The following MTMR11 variants were observed in gnomAD, a reference collection of about 807,000 sequenced individuals.
MTMR11 encodes the protein myotubularin related protein 11.
Under a neutral mutation model 100.0 loss-of-function variants are expected in MTMR11, and 89 were observed. The ratio of observed to expected loss-of-function variants is 0.89; its 90% CI spans 0.75 to 1.06. The LOEUF (loss-of-function observed/expected upper bound fraction) is 1.06. Among genes scored for constraint, MTMR11 ranks in the 50% least tolerant of loss-of-function variants. The pLI is 0.00. For synonymous variants in MTMR11, 336 were observed against 326.3 expected (o/e 1.03, Z -0.32); for missense variants, 809 against 873.7 (o/e 0.93, Z 0.93).
At position 149,935,063 on chromosome 1, in the gene MTMR11, T is replaced by C; in HGVS notation, c.391A>G (p.Ile131Val). 1.2e-6 allele frequency: 2 copies of C among 1,614,054 alleles called. No individual in the cohort carries two copies. The highest frequency in any genetic ancestry group is 1.7e-6 in the Non-Finnish European group (2 of 1,180,024). The part of the protein sequence containing the change: ...GSLHKFIPEE[I>V]LIHGRDFRLL... ...CGGAAGTCTCGGCCATGAATCAGAA[T>C]CTCCTCAGGGATAAATTTATGCAGG... The change falls in exon 5 of 17, where the codon ATT (isoleucine) becomes GTT (valine). Residue 131 changes from isoleucine (I) to valine (V), a missense_variant. By Grantham distance (29) the Ile-to-Val change is conservative. Coordinates refer to ENST00000439741, the MANE Select transcript of MTMR11 (RefSeq NM_001145862.2).
Position 149,928,904 on chromosome 1 carries a change from A to T in MTMR11, c.*225T>A. The T allele has an allele frequency of 6.2e-7, 1 of 1,613,918 alleles. No individual in the cohort carries two copies. The highest frequency in any genetic ancestry group is 8.5e-7 in the Non-Finnish European group (1 of 1,179,866). ...TATCCAGAAGGGATGGGATTGGCCTAAAAAAACCGATCAATTTCTGGATTG... is the reference window on the plus strand; with the variant it reads ...TATCCAGAAGGGATGGGATTGGCCTTAAAAAACCGATCAATTTCTGGATTG... On this transcript the variant is annotated 3_prime_UTR_variant, in exon 17 of 17. Coordinates refer to ENST00000439741, the MANE Select transcript of MTMR11 (RefSeq NM_001145862.2).
At chr1:149,931,602 C>T in intron 12 of MTMR11, 176 bp from the exon 13 acceptor site, 1 of 619,850 alleles carries the variant, frequency 1.6e-6, no homozygotes, top group Non-Finnish European at 2.7e-6. Flanking sequence ...TTGAATGATT[C>T]ACTTCCTGGA....
At chr1:149,932,105 C>T in intron 11 of MTMR11, 91 bp from the exon 12 acceptor site, 1 of 1,397,682 alleles carries the variant, frequency 7.2e-7, no homozygotes, top group South Asian at 1.2e-5. Flanking sequence ...ATAAGGCCGA[C>T]TCCAAATCCT....
Position 149,935,349 on chromosome 1 carries a change from A to C in MTMR11, c.275T>G (p.Leu92Trp). 2.5e-6 allele frequency: 4 copies of C among 1,613,870 alleles called. No individual in the cohort carries two copies. Among genetic ancestry groups the C allele is most frequent in the Non-Finnish European group, 3.4e-6 (4 of 1,179,892 alleles). ...CAGGGCAAAATCGTATTCACTGTTC[A>C]AGGGAGTGTCCTAGACGAAACACGT... is the stretch of plus-strand genomic sequence containing the variant. ...CGWQWNQDTP[L>W]NSEYDFALVN... The change falls in exon 4 of 17, where the codon TTG becomes TGG. Residue 92 changes from leucine to tryptophan, a missense_variant. By Grantham distance (61) the Leu-to-Trp change is moderately conservative. Coordinates refer to ENST00000439741, the MANE Select transcript of MTMR11 (RefSeq NM_001145862.2).
At chr1:149,930,637 A>T in intron 14 of MTMR11, 90 bp from the exon 15 acceptor site, 2 of 1,403,908 alleles carry the variant, frequency 1.4e-6, no homozygotes, top group South Asian at 1.4e-5. Flanking sequence ...TTATTCTAGG[A>T]AAGATGTAGG....
Position 149,928,952 on chromosome 1 carries a change from A to G in MTMR11, c.*177T>C, listed in dbSNP as rs1553766657. The G allele has an allele frequency of 1.2e-6, 2 of 1,613,936 alleles. No individual in the cohort carries two copies. The highest frequency in any genetic ancestry group is 1.3e-5 in the African/African-American group (1 of 75,028). The stretch of plus-strand genomic sequence containing the variant: ...TTGTTTTTGTTTCTTAATCCTTCAA[A>G]TGACAAGAAGCAAAAATATTTGTAG... On this transcript the variant is annotated 3_prime_UTR_variant, in exon 17 of 17. Transcript: ENST00000439741.
Position 149,930,428 on chromosome 1 carries a change from T to C in MTMR11, c.1584A>G (p.Leu528=). 1.2e-6 allele frequency: 2 copies of C among 1,614,028 alleles called. No homozygotes were observed. Among genetic ancestry groups the C allele is most frequent in the Non-Finnish European group, 1.7e-6 (2 of 1,179,912 alleles). Residue 528 remains leucine, a synonymous_variant, in exon 15 of 17, where the codon CTA becomes CTG. Coordinates refer to ENST00000439741, the MANE Select transcript of MTMR11 (RefSeq NM_001145862.2). ...WDLRYSNAQI[L]QFQNPGYDPE... is the part of the protein sequence containing the mutation. Reference sequence around the variant, plus strand: ...GGTCATAGCCAGGATTCTGGAATTGTAGTATCTGTGCATTGCTATAACGTA... The same window carrying C: ...GGTCATAGCCAGGATTCTGGAATTGCAGTATCTGTGCATTGCTATAACGTA...
intron 3 of MTMR11, 66 bp downstream of exon 3, chr1:149,935,518 A>G (rs868972825): frequency 1.3e-6 from 2 of 1,596,684 alleles, no homozygotes; most frequent in African/African-American, 2.7e-5. Context: ...ATGTTTGTCT[A>G]AATCCTGCTA....
intron 1 of MTMR11, 31 bp from the exon 2 acceptor site, chr1:149,936,260 A>G (rs1553769198): frequency 1.9e-6 from 3 of 1,613,150 alleles, no homozygotes; most frequent in South Asian, 2.2e-5. Context: ...GGGGGTCTAG[A>G]GTTAACCCCT....
At chr1:149,929,409 C>T in intron 16 of MTMR11, 92 bp from the exon 17 acceptor site, 1 of 1,309,360 alleles carries the variant, frequency 7.6e-7, no homozygotes. Flanking sequence ...AATTCTGTTT[C>T]CCCTTTCAGC....
chr1:149,929,533 G>C (rs111273842), intron 16 of MTMR11, 90 bp downstream of exon 16: 3 of 1,445,046 alleles, frequency 2.1e-6, no homozygotes, highest in African/African-American at 1.4e-5. Flanking sequence ...ACTCCCAGAG[G>C]CTTCAGCTCC....
At chr1:149,936,260 A>T in intron 1 of MTMR11, 31 bp from the exon 2 acceptor site, 1 of 1,613,150 alleles carries the variant, frequency 6.2e-7, no homozygotes. Context: ...GGGGGTCTAG[A>T]GTTAACCCCT....
In MTMR11 at chr1:149,935,293, A is replaced by G. The variant is rs781946924; in HGVS notation, c.325+6T>C. On this transcript the variant is annotated splice_donor_region_variant and intron_variant, in intron 4 of 16. Transcript: ENST00000439741. ...AACCCCTTCACCAAACCCCCCCCCA[A>G]CTTACCAGCCTCTAATCGTCCAATG... is the stretch of plus-strand genomic sequence containing the variant. 5.0e-6 allele frequency: 8 copies of G among 1,611,264 alleles called. No homozygotes were observed. Among genetic ancestry groups the G allele is most frequent in the South Asian group, 4.4e-5 (4 of 90,926 alleles).
intron 11 of MTMR11, 112 bp downstream of exon 11, chr1:149,932,152 T>G (rs2092668603): frequency 2.8e-6 from 4 of 1,414,266 alleles, no homozygotes; most frequent in Non-Finnish European, 4.0e-6. Flanking sequence ...AATGGCAGTC[T>G]TCTTGGGAAA....
chr1:149,933,311 G>C (rs1260013611), intron 10 of MTMR11, 95 bp downstream of exon 10: 11 of 1,489,338 alleles, frequency 7.4e-6, no homozygotes, highest in Admixed American at 2.0e-5. Flanking sequence ...TTGGACTAAA[G>C]AGCTACTCAT....
chr1:149,933,338 G>GT, intron 10 of MTMR11, 68 bp downstream of exon 10: 2 of 1,587,274 alleles, frequency 1.3e-6, no homozygotes, highest in South Asian at 2.2e-5. Context: ...CAAGCAAAGG[G>GT]TAAACCAGGT....
At position 149,933,428 on chromosome 1, in the gene MTMR11, C is replaced by A. The variant is rs782307985; in HGVS notation, c.963G>T (p.Arg321Ser). Residue 321 changes from arginine to serine, a missense_variant, in exon 10 of 17, where the codon AGG becomes AGT. Coordinates refer to ENST00000439741, the MANE Select transcript of MTMR11 (RefSeq NM_001145862.2). ...SLADVQLAHL[R>S]LRALCLPDSS... Reference sequence around the variant, plus strand: ...CACCAGGCAGGCAGAGGGCCCTCAGCCTCAGGTGGGCAAGTTGGACATCTG... The same window carrying A: ...CACCAGGCAGGCAGAGGGCCCTCAGACTCAGGTGGGCAAGTTGGACATCTG... 1.2e-6 allele frequency: 2 copies of A among 1,614,110 alleles called. No homozygotes were observed. Among genetic ancestry groups the A allele is most frequent in the Non-Finnish European group, 1.7e-6 (2 of 1,180,010 alleles).
Position 149,930,558 on chromosome 1 carries a change from G to A in MTMR11, c.1465-11C>T, listed in dbSNP as rs781809285. ...TGTATAGGAGTTTAACTGGACAGAG[G>A]AAGCAAGAAAAAGGATGGTTACACA... On this transcript the variant is annotated splice_polypyrimidine_tract_variant and intron_variant, in intron 14 of 16. Coordinates refer to ENST00000439741, the MANE Select transcript of MTMR11 (RefSeq NM_001145862.2). The A allele has an allele frequency of 1.8e-5, 28 of 1,599,892 alleles. No homozygotes were observed. Among genetic ancestry groups the A allele is most frequent in the Non-Finnish European group, 2.0e-5 (23 of 1,171,804 alleles).
rs782715704 is a variant in MTMR11, at chr1:149,933,507, G to T, written c.884C>A (p.Ala295Asp). ...TACCAGGACAACATCTGAATGCCCA[G>T]CCTGGAGCATCAACTCCACTGCTCT... ...DIRAVELMLQAGHSDVVLVDT... is the reference protein window; with the variant it reads ...DIRAVELMLQDGHSDVVLVDT... Residue 295 changes from alanine to aspartate, a missense_variant, in exon 10 of 17, where the codon GCT becomes GAT. Transcript: ENST00000439741. 19 of 1,614,020 alleles carry T rather than the reference G, an allele frequency of 1.2e-5. No individual in the cohort carries two copies. Among genetic ancestry groups the T allele is most frequent in the Non-Finnish European group, 6.8e-6 (8 of 1,179,994 alleles).
Sources: gnomAD v4.1 joint callset for allele counts on GRCh38, gnomAD v4.1.1 for gene constraint, MANE v1.5 for transcripts, NCBI Gene and HGNC (gene_info 2026-07-23, HGNC 2026-07-21) for gene names.